The following NRG1 variants were observed in gnomAD, a reference collection of about 807,000 sequenced individuals.
NRG1 encodes the protein pro-neuregulin-1, membrane-bound isoform.
NRG1 carries 18 observed loss-of-function variants against 63.8 expected under a neutral mutation model. That is an observed-to-expected ratio of 0.28 (90% CI 0.19 to 0.42). NRG1 has a LOEUF of 0.42. Among genes scored for constraint, NRG1 ranks in the 10% least tolerant of loss-of-function variants. The probability of loss-of-function intolerance (pLI) is 1.00; values close to 1 mark genes in which losing one functional copy is unlikely to be tolerated. For synonymous variants in NRG1, 302 were observed against 301.3 expected, an observed-to-expected ratio of 1.00 and a Z score of -0.02; for missense variants, 762 against 814.7, an observed-to-expected ratio of 0.94 and a Z score of 0.79.
At chr8:32,222,135 A>G (rs772356112) in intron 1 of NRG1, among the ~76,000 whole-genome samples, 7 of 152,190 alleles carry the variant, frequency 4.6e-5, no homozygotes, top group Non-Finnish European at 1.0e-4. Context: ...TCAGTAGCAT[A>G]TATACACAAG....
At chr8:32,019,810 T>C (rs923600456) in intron 1 of NRG1, among the ~76,000 whole-genome samples, 1 of 152,220 alleles carries the variant, frequency 6.6e-6, no homozygotes, top group Admixed American at 6.5e-5. Flanking sequence ...TTTTCTCCCA[T>C]TGATTTGCAG....
Position 32,742,285 on chromosome 8 carries a change from G to A in NRG1, c.633-390G>A, listed in dbSNP as rs1826505696. On this transcript the variant is annotated intron_variant, in intron 6 of 11. Coordinates refer to ENST00000356819, the Ensembl canonical transcript of NRG1. The surrounding 1 kb of genome is among the most constrained non-coding windows in gnomAD (Gnocchi z 4.2). ...TCAATTTACAAGAATGGCCAGTCACGATGGCCCGTGATGCTGACAAACTAT... is the reference window on the plus strand; with the variant it reads ...TCAATTTACAAGAATGGCCAGTCACAATGGCCCGTGATGCTGACAAACTAT... Among the ~76,000 whole-genome samples, 1 of 152,020 alleles carries A rather than the reference G, an allele frequency of 6.6e-6. No individual in the cohort carries two copies. The highest frequency in any genetic ancestry group is 2.4e-5 in the African/African-American group (1 of 41,414).
intron 1 of NRG1, among the ~76,000 whole-genome samples, chr8:32,329,748 C>A (rs1446604085): frequency 1.3e-5 from 2 of 152,062 alleles, no homozygotes; most frequent in Non-Finnish European, 2.9e-5. Flanking sequence ...CAAAACTTCT[C>A]AGGTAAGTAG....
chr8:32,043,669 A>G (rs1000253803), intron 1 of NRG1, among the ~76,000 whole-genome samples: 11 of 151,968 alleles, frequency 7.2e-5, no homozygotes, highest in Admixed American at 6.6e-5. Context: ...AAAAGGACCT[A>G]TATGATGGTA....
intron 1 of NRG1, among the ~76,000 whole-genome samples, chr8:31,712,559 C>A (rs184848695): frequency 2.0e-4 from 30 of 152,220 alleles, no homozygotes; most frequent in African/African-American, 7.2e-4. Context: ...TGAGCCACTG[C>A]GCCCAGCCCA....
chr8:31,982,243 A>G lies in NRG1; in HGVS notation c.37+342812A>G, dbSNP rs1431154874. 2.6e-5 allele frequency among the ~76,000 whole-genome samples: 4 copies of G among 152,150 alleles called. No individual in the cohort carries two copies. In the East Asian group the frequency reaches 5.8e-4, roughly 22 times the overall value. Reference sequence around the variant, plus strand: ...TAGATTTGAAAAGATCATTCTTGCTATGGTGTAGAGAATAGTCATTCTTAG... The same window carrying G: ...TAGATTTGAAAAGATCATTCTTGCTGTGGTGTAGAGAATAGTCATTCTTAG... On this transcript the variant is annotated intron_variant, in intron 1 of 10. Coordinates refer to the NRG1 transcript ENST00000519301.
intron 1 of NRG1, among the ~76,000 whole-genome samples, chr8:32,243,098 G>T (rs1176125340): frequency 6.6e-6 from 1 of 151,984 alleles, no homozygotes; most frequent in African/African-American, 2.4e-5. Context: ...ATGCATGTCT[G>T]TCTCTGTGTC....
At chr8:31,954,761 C>A (rs547845389) in intron 1 of NRG1, among the ~76,000 whole-genome samples, 1 of 152,260 alleles carries the variant, frequency 6.6e-6, no homozygotes, top group South Asian at 2.1e-4. Context: ...CTTATTTGAT[C>A]TGTGGGACAT....
chr8:32,693,701 T>G (rs189905977), intron 5 of NRG1, among the ~76,000 whole-genome samples: 4 of 152,268 alleles, frequency 2.6e-5, no homozygotes, highest in Admixed American at 2.0e-4. Context: ...ACTATGAAAT[T>G]TTGATCCCCC....
At chr8:32,027,079 T>A (rs994970148) in intron 1 of NRG1, among the ~76,000 whole-genome samples, 4 of 152,112 alleles carry the variant, frequency 2.6e-5, no homozygotes, top group Non-Finnish European at 5.9e-5. Flanking sequence ...ATTCTGTTAT[T>A]CTATTATTTT....
intron 1 of NRG1, among the ~76,000 whole-genome samples, chr8:32,251,872 T>C (rs1586395032): frequency 1.4e-5 from 2 of 142,940 alleles, no homozygotes; most frequent in Non-Finnish European, 3.0e-5. Context: ...AGCCGCATAA[T>C]GGTCATTTCT....
At chr8:32,174,424 C>A (rs1840450399) in intron 1 of NRG1, among the ~76,000 whole-genome samples, 1 of 152,004 alleles carries the variant, frequency 6.6e-6, no homozygotes, top group Non-Finnish European at 1.5e-5. Context: ...ATTAAAAGAA[C>A]TAGAAAAGCA....
At position 31,863,431 on chromosome 8, in the gene NRG1, C is replaced by A. The variant is rs113995132; in HGVS notation, c.37+224000C>A. ...TAATGTTACCTGCCAAGATATGTGT[C>A]TAAGAGGCTGCTGTGGCTCCCACCA... On this transcript the variant is annotated intron_variant, in intron 1 of 10. Coordinates refer to the NRG1 transcript ENST00000519301. 9.1e-3 allele frequency among the ~76,000 whole-genome samples: 1,379 copies of A among 152,230 alleles called. 21 individuals carry two copies. Among genetic ancestry groups the A allele is most frequent in the African/African-American group, 0.031 (1,304 of 41,538 alleles).
chr8:32,449,367 A>G (rs1426573172), intron 1 of NRG1, among the ~76,000 whole-genome samples: 1 of 151,656 alleles, frequency 6.6e-6, no homozygotes, highest in East Asian at 1.9e-4. Context: ...TGTTGATAGA[A>G]CTGAAGTACA....
intron 1 of NRG1, among the ~76,000 whole-genome samples, chr8:32,177,747 A>C (rs78299345): frequency 6.6e-6 from 1 of 151,976 alleles, no homozygotes; most frequent in Non-Finnish European, 1.5e-5. Context: ...ACTTTGCATG[A>C]AAAAAAATCA....
intron 1 of NRG1, among the ~76,000 whole-genome samples, chr8:31,762,777 A>G (rs1817685030): frequency 6.6e-6 from 1 of 152,240 alleles, no homozygotes; most frequent in Non-Finnish European, 1.5e-5. Context: ...TAAGAAAAAA[A>G]GATACTAATC....
intron 11 of NRG1, 89 bp from the exon 12 acceptor site, chr8:32,763,659 T>C: frequency 3.1e-6 from 4 of 1,291,162 alleles, no homozygotes; most frequent in Non-Finnish European, 4.3e-6. Flanking sequence ...TCTCTGATGA[T>C]ATAATACCGT....
At chr8:32,155,355 T>C (rs907792561) in intron 1 of NRG1, among the ~76,000 whole-genome samples, 1 of 152,242 alleles carries the variant, frequency 6.6e-6, no homozygotes, top group African/African-American at 2.4e-5. Flanking sequence ...TTCAATTTTC[T>C]GCTGACTCAG....
At chr8:31,869,389 G>A (rs1481614) in intron 1 of NRG1, among the ~76,000 whole-genome samples, 36,822 of 152,042 alleles carry the variant, frequency 0.24, 5,731 homozygotes, top group East Asian at 0.69. Context: ...CACACCTGGA[G>A]ACCCATTTCT....
Sources: allele counts gnomAD v4.1 joint callset (sites outside exome capture counted in the v4.1 genomes callset), GRCh38; gene constraint gnomAD v4.1.1; non-coding constraint Gnocchi (gnomAD v3.1); transcripts MANE v1.5; gene names NCBI Gene and HGNC (gene_info 2026-07-23, HGNC 2026-07-21).